MGA: variants seen among roughly 807,000 people sequenced by gnomAD.
MGA encodes the protein MAX gene-associated protein.
Under a neutral mutation model 261.1 loss-of-function variants are expected in MGA, and 40 were observed. That is an observed-to-expected ratio of 0.15 (90% confidence interval 0.12 to 0.20). The LOEUF (loss-of-function observed/expected upper bound fraction) is 0.20. Among genes scored for constraint, MGA ranks in the 10% least tolerant of loss-of-function variants. The probability of loss-of-function intolerance (pLI) is 1.00; values close to 1 mark genes in which losing one functional copy is unlikely to be tolerated. For missense variants in MGA, 3,397 were observed against 3,630.5 expected, an observed-to-expected ratio of 0.94 and a Z score of 1.65; for synonymous variants, 1,302 against 1,290.6, an observed-to-expected ratio of 1.01 and a Z score of -0.19.
At chr15:41,702,675 A>C (rs2059912052) in intron 5 of MGA, among the ~76,000 whole-genome samples, 1 of 152,220 alleles carries the variant, frequency 6.6e-6, no homozygotes, top group African/African-American at 2.4e-5. Flanking sequence ...AGTTTTACTT[A>C]AAAATAAAAT....
In MGA at chr15:41,718,446, A is replaced by G. The variant is rs149511476; in HGVS notation, c.3430+4950A>G. ...TCGCAGGTAGCCCTGGAGCTGAGGA[A>G]TAGCTTTGATTTTTCGTACAATTTG... On this transcript the variant is annotated intron_variant, in intron 9 of 23. Transcript: ENST00000219905. The G allele has an allele frequency of 1.4e-3, 1,466 of 1,037,058 alleles. 12 individuals carry two copies. The African/African-American group carries it at 0.021, about 15-fold the overall frequency. 64.2% of individuals were successfully genotyped at this position (1,037,058 alleles called of 1,614,324 possible). A position where few individuals can be genotyped will look rare whatever the true frequency, so the allele number is the denominator to read the frequency against.
chr15:41,679,309 A>G (rs2058546758), intron 2 of MGA, among the ~76,000 whole-genome samples: 1 of 152,162 alleles, frequency 6.6e-6, no homozygotes, highest in Non-Finnish European at 1.5e-5. Context: ...TGCTGGGATT[A>G]CAGGGATTAT....
intron 2 of MGA, among the ~76,000 whole-genome samples, chr15:41,689,389 TTTC>T (rs896753475): frequency 4.0e-5 from 6 of 149,664 alleles, no homozygotes; most frequent in African/African-American, 1.5e-4. Context: ...CTTCTCTCCT[TTTC>T]TTTCTCTCTC....
intron 2 of MGA, among the ~76,000 whole-genome samples, chr15:41,677,215 C>T (rs1043827898): frequency 6.6e-6 from 1 of 152,206 alleles, no homozygotes; most frequent in South Asian, 2.1e-4. Context: ...GATCTTGGCT[C>T]ACAGCAACCT....
upstream of MGA, among the ~76,000 whole-genome samples, chr15:41,657,697 C>A (rs1327585547): frequency 6.7e-6 from 1 of 148,268 alleles, no homozygotes; most frequent in South Asian, 2.2e-4. Context: ...AAAAAAAAAA[C>A]AAGCATCTTT....
At chr15:41,709,250 G>A (rs1162307720) in intron 7 of MGA, among the ~76,000 whole-genome samples, 1 of 152,000 alleles carries the variant, frequency 6.6e-6, no homozygotes, top group Admixed American at 6.5e-5. Flanking sequence ...GCGGGGCTGA[G>A]GTGGGAGGAT....
intron 15 of MGA, among the ~76,000 whole-genome samples, chr15:41,748,436 C>T (rs914639535): frequency 3.3e-5 from 5 of 152,086 alleles, no homozygotes; most frequent in Non-Finnish European, 5.9e-5. Context: ...CACCTGTAGT[C>T]GCAGCTACTC....
intron 1 of MGA, among the ~76,000 whole-genome samples, chr15:41,633,893 G>C (rs2056646058): frequency 1.3e-5 from 2 of 152,146 alleles, no homozygotes; most frequent in African/African-American, 4.8e-5. Context: ...TATGTGAGCT[G>C]CTCCCCTCTT....
At chr15:41,699,530 G>A (rs1215164405) in intron 5 of MGA, among the ~76,000 whole-genome samples, 2 of 151,876 alleles carry the variant, frequency 1.3e-5, no homozygotes, top group African/African-American at 2.4e-5. Flanking sequence ...ACGGAGTTTC[G>A]CTCTGTCGCC....
At chr15:41,724,061 T>C (rs1355828446) in intron 9 of MGA, among the ~76,000 whole-genome samples, 1 of 152,144 alleles carries the variant, frequency 6.6e-6, no homozygotes, top group Non-Finnish European at 1.5e-5. Context: ...TAATGCTTAG[T>C]TTATGGAGGC....
intron 7 of MGA, 109 bp from the exon 8 acceptor site, chr15:41,710,582 A>G (rs1210622355): frequency 5.5e-6 from 6 of 1,099,560 alleles, no homozygotes; most frequent in Non-Finnish European, 7.7e-6. Flanking sequence ...ATAGTTTAGA[A>G]GATTCACTAT....
intron 2 of MGA, chr15:41,691,648 T>C (rs2059291385): frequency 1.9e-6 from 1 of 517,516 alleles, no homozygotes; most frequent in African/African-American, 1.9e-5. Context: ...TGATCTCAGC[T>C]GTCTGAAAAT....
chr15:41,652,383 T>C (rs1472478028), intron 1 of MGA, among the ~76,000 whole-genome samples: 2 of 140,364 alleles, frequency 1.4e-5, no homozygotes, highest in Admixed American at 7.3e-5. Flanking sequence ...TCCCCTCTCC[T>C]TTCCCCGCCT....
intron 17 of MGA, among the ~76,000 whole-genome samples, chr15:41,752,564 T>C (rs868047604): frequency 6.7e-6 from 1 of 149,002 alleles, no homozygotes; most frequent in Non-Finnish European, 1.5e-5. Context: ...TTTTTTTTTT[T>C]TTTTTTTTTT....
chr15:41,644,942 G>A (rs1432195096), intron 1 of MGA, among the ~76,000 whole-genome samples: 3 of 152,168 alleles, frequency 2.0e-5, no homozygotes, highest in Non-Finnish European at 4.4e-5. Flanking sequence ...AGGGTATTAT[G>A]TAGGTACATA....
intron 1 of MGA, among the ~76,000 whole-genome samples, chr15:41,650,568 A>G (rs938009670): frequency 7.9e-5 from 12 of 151,968 alleles, no homozygotes; most frequent in Non-Finnish European, 1.2e-4. Context: ...CTCCCGAGTA[A>G]ATGGAATTAC....
At chr15:41,760,597 T>TAATC in intron 20 of MGA, 68 bp downstream of exon 20, 1 of 1,488,034 alleles carries the variant, frequency 6.7e-7, no homozygotes, top group Non-Finnish European at 9.3e-7. Context: ...ATGAGAAAGA[T>TAATC]AATCCACTGA....
At chr15:41,742,036 T>G (rs1468147121) in intron 14 of MGA, among the ~76,000 whole-genome samples, 1 of 151,926 alleles carries the variant, frequency 6.6e-6, no homozygotes, top group African/African-American at 2.4e-5. Context: ...AATCCCTTTC[T>G]TGTTAGAACT....
At chr15:41,720,479 G>A (rs956085354) in intron 9 of MGA, among the ~76,000 whole-genome samples, 1 of 152,130 alleles carries the variant, frequency 6.6e-6, no homozygotes, top group African/African-American at 2.4e-5. Context: ...AGCCTGCAGT[G>A]AGCCGTGATA....
Sources: gnomAD v4.1 joint callset for allele counts (sites outside exome capture counted in the v4.1 genomes callset) on GRCh38, gnomAD v4.1.1 for gene constraint, MANE v1.5 for transcripts, NCBI Gene and HGNC (gene_info 2026-07-23, HGNC 2026-07-21) for gene names.